APAF1: variants seen among roughly 807,000 people sequenced by gnomAD.
APAF1 encodes the protein apoptotic peptidase activating factor 1, also known as apoptotic protease-activating factor 1.
Under a neutral mutation model 152.4 loss-of-function variants are expected in APAF1, and 91 were observed. That is an observed-to-expected ratio of 0.60 (90% CI 0.50 to 0.71). APAF1 has a LOEUF of 0.71. Among genes scored for constraint, APAF1 ranks in the 30% least tolerant of loss-of-function variants. The pLI is 0.00. For missense variants in APAF1, 1,283 were observed against 1,472.0 expected (o/e 0.87, Z 2.10); for synonymous variants, 484 against 494.1 (o/e 0.98, Z 0.27).
At position 98,677,476 on chromosome 12, in the gene APAF1, A is replaced by G; in HGVS notation, c.1845A>G (p.Thr615=). ...CCCGCTTAGTTGTCCGCCCCCACAC[A>G]GATGCTGTTTACCATGCCTGCTTTT... The part of the protein sequence containing the change: ...NLSRLVVRPH[T]DAVYHACFSE... The change falls in exon 13 of 27, where the codon ACA becomes ACG. Residue 615 remains threonine (T), a synonymous_variant. Coordinates refer to ENST00000551964, the MANE Select transcript of APAF1 (RefSeq NM_181861.2). The G allele has an allele frequency of 6.2e-7, 1 of 1,614,188 alleles. No homozygotes were observed. Among genetic ancestry groups the G allele is most frequent in the Non-Finnish European group, 8.5e-7 (1 of 1,180,018 alleles).
chr12:98,678,946 C>T (rs1044506025), intron 13 of APAF1, among the ~76,000 whole-genome samples: 2 of 152,200 alleles, frequency 1.3e-5, no homozygotes, highest in Admixed American at 6.5e-5. Flanking sequence ...GCACCTACAG[C>T]CTGGGTGCCA....
rs771871531 is a variant in APAF1 at position 98,683,197 on chromosome 12, C to G, written c.2101C>G (p.Gln701Glu). 2.5e-6 allele frequency: 4 copies of G among 1,613,338 alleles called. No homozygotes were observed. In the South Asian group the frequency reaches 4.4e-5, roughly 18 times the overall value. The change falls in exon 15 of 27, where the codon CAA becomes GAA. Residue 701 changes from glutamine (Q) to glutamate (E), a missense_variant. Physicochemically the swap from Gln to Glu is conservative, Grantham distance 29. Transcript: ENST00000551964. ...LVHTYDEHSE[Q>E]VNCCHFTNSS... Reference sequence around the variant, plus strand: ...ACACACCTATGATGAGCACTCAGAGCAAGTCAATTGCTGCCATTTCACCAA... The same window carrying G: ...ACACACCTATGATGAGCACTCAGAGGAAGTCAATTGCTGCCATTTCACCAA...
At chr12:98,705,338 G>A (rs1403826965) in intron 18 of APAF1, among the ~76,000 whole-genome samples, 2 of 152,224 alleles carry the variant, frequency 1.3e-5, no homozygotes, top group Non-Finnish European at 2.9e-5. Flanking sequence ...TGGGAAGAGA[G>A]GGGAGGATTC....
At chr12:98,692,595 T>TC (rs2096392999) in intron 16 of APAF1, among the ~76,000 whole-genome samples, 1 of 152,178 alleles carries the variant, frequency 6.6e-6, no homozygotes, top group South Asian at 2.1e-4. Context: ...TATCTTTATG[T>TC]CTTTGTGTAC....
intron 21 of APAF1, among the ~76,000 whole-genome samples, chr12:98,715,092 G>C (rs1488864595): frequency 6.4e-5 from 9 of 141,100 alleles, no homozygotes; most frequent in African/African-American, 2.1e-4. Context: ...TTTTTTTGGA[G>C]GGCAAGCCCA....
At chr12:98,678,562 C>G (rs2097688955) in intron 13 of APAF1, among the ~76,000 whole-genome samples, 1 of 152,242 alleles carries the variant, frequency 6.6e-6, no homozygotes, top group South Asian at 2.1e-4. Context: ...AGGCTCGGGC[C>G]TCCGGCTCCA....
chr12:98,678,384 G>A (rs558756316), intron 13 of APAF1, among the ~76,000 whole-genome samples: 1 of 152,316 alleles, frequency 6.6e-6, no homozygotes, highest in South Asian at 2.1e-4. Flanking sequence ...TGGAGCTGGC[G>A]GTAGCTGGGG....
At chr12:98,719,347 TTTTTC>T (rs894886757) in intron 22 of APAF1, among the ~76,000 whole-genome samples, 5 of 152,032 alleles carry the variant, frequency 3.3e-5, no homozygotes, top group Non-Finnish European at 4.4e-5. Flanking sequence ...TGCTTTAGAC[TTTTTC>T]TTTTCTTTTC....
intron 16 of APAF1, among the ~76,000 whole-genome samples, chr12:98,697,400 T>C (rs2097711120): frequency 2.0e-5 from 3 of 152,220 alleles, no homozygotes; most frequent in Admixed American, 2.0e-4. Context: ...AGTATCTGTA[T>C]CTGATTCATT....
At chr12:98,707,999 T>C (rs2097723635) in intron 19 of APAF1, among the ~76,000 whole-genome samples, 1 of 152,140 alleles carries the variant, frequency 6.6e-6, no homozygotes, top group Non-Finnish European at 1.5e-5. Flanking sequence ...CAGGCTGGAG[T>C]GCAATGGCAC....
At chr12:98,729,417 G>T (rs1363627853) in intron 26 of APAF1, among the ~76,000 whole-genome samples, 1 of 152,230 alleles carries the variant, frequency 6.6e-6, no homozygotes, top group African/African-American at 2.4e-5. Context: ...CGCATGTGCA[G>T]TTCACAGCAG....
chr12:98,707,842 C>T (rs1478278480), intron 19 of APAF1, among the ~76,000 whole-genome samples: 1 of 152,184 alleles, frequency 6.6e-6, no homozygotes, highest in Admixed American at 6.5e-5. Context: ...TAAATCAACA[C>T]ATTGCTTTCT....
At chr12:98,647,106 G>A (rs2097641955) in intron 1 of APAF1, among the ~76,000 whole-genome samples, 1 of 151,978 alleles carries the variant, frequency 6.6e-6, no homozygotes, top group African/African-American at 2.4e-5. Context: ...AAATGATAAT[G>A]TGTGCTAAAA....
intron 16 of APAF1, among the ~76,000 whole-genome samples, chr12:98,692,941 TTTAAG>T (rs755387709): frequency 2.0e-5 from 3 of 152,302 alleles, no homozygotes; most frequent in Non-Finnish European, 2.9e-5. Flanking sequence ...GTAGTTCTGT[TTTAAG>T]TTATTTGAGA....
chr12:98,646,078 T>G (rs2097639861), intron 1 of APAF1, among the ~76,000 whole-genome samples: 1 of 152,194 alleles, frequency 6.6e-6, no homozygotes, highest in African/African-American at 2.4e-5. Flanking sequence ...TTACAAAAGG[T>G]TTTGAGACTT....
At chr12:98,652,832 G>T (rs1267912768) in intron 4 of APAF1, among the ~76,000 whole-genome samples, 1 of 151,928 alleles carries the variant, frequency 6.6e-6, no homozygotes, top group Non-Finnish European at 1.5e-5. Context: ...CTCCATGTTG[G>T]TCAGGCTGGT....
intron 8 of APAF1, 142 bp downstream of exon 8, chr12:98,665,933 C>T: frequency 2.5e-6 from 2 of 790,830 alleles, no homozygotes; most frequent in Non-Finnish European, 4.3e-6. Context: ...AGAAATCCCT[C>T]TGCTGTTAGC....
At chr12:98,680,486 G>C in intron 14 of APAF1, 84 bp downstream of exon 14, 1 of 1,326,160 alleles carries the variant, frequency 7.5e-7, no homozygotes, top group Non-Finnish European at 1.1e-6. Context: ...AGTAAGTAGA[G>C]TTAAAGGACT....
intron 16 of APAF1, among the ~76,000 whole-genome samples, chr12:98,695,478 C>T (rs999597325): frequency 2.0e-5 from 3 of 152,076 alleles, no homozygotes; most frequent in Admixed American, 6.5e-5. Flanking sequence ...GATCCTCCCA[C>T]CTTAGCCTCC....
Sources: allele counts gnomAD v4.1 joint callset (sites outside exome capture counted in the v4.1 genomes callset), GRCh38; gene constraint gnomAD v4.1.1; transcripts MANE v1.5; gene names NCBI Gene and HGNC (gene_info 2026-07-23, HGNC 2026-07-21).